The following ARHGAP10 variants were observed in gnomAD, a reference collection of about 807,000 sequenced individuals.
ARHGAP10 encodes the protein Rho GTPase activating protein 10.
A neutral mutation model predicts 108.6 loss-of-function variants in ARHGAP10; 87 were observed. The ratio of observed to expected loss-of-function variants is 0.80; its 90% CI spans 0.67 to 0.96. ARHGAP10 has a LOEUF of 0.96. Among genes scored for constraint, ARHGAP10 ranks in the 40% least tolerant of loss-of-function variants. The pLI is 0.00. For synonymous variants in ARHGAP10, 347 were observed against 341.1 expected (o/e 1.02, Z -0.19); for missense variants, 939 against 954.5 (o/e 0.98, Z 0.21).
intron 3 of ARHGAP10, among the ~76,000 whole-genome samples, chr4:147,843,412 A>G (rs918226229): frequency 2.6e-5 from 4 of 152,196 alleles, no homozygotes. Flanking sequence ...CCTGTCAGTC[A>G]TAAATCAACT....
At position 147,879,292 on chromosome 4, in the gene ARHGAP10, A is replaced by G; in HGVS notation, c.893A>G (p.Lys298Arg). Residue 298 changes from lysine to arginine, a missense_variant, in exon 9 of 23, where the codon AAG (lysine) becomes AGG (arginine). Coordinates refer to ENST00000336498, the MANE Select transcript of ARHGAP10 (RefSeq NM_024605.4). The stretch of plus-strand genomic sequence containing the variant: ...TATTGCATGTATCGAAAAGCAGCAA[A>G]GAAGTTCAACATGATCCCATTTGAG... ...KHYCMYRKAA[K>R]KFNMIPFEHR... is the part of the protein sequence containing the mutation. 1 of 1,614,144 alleles carries G rather than the reference A, an allele frequency of 6.2e-7. No homozygotes were observed. The highest frequency in any genetic ancestry group is 2.2e-5 in the East Asian group (1 of 44,874).
intron 18 of ARHGAP10, among the ~76,000 whole-genome samples, chr4:147,967,905 A>G (rs1168942730): frequency 6.6e-6 from 1 of 152,206 alleles, no homozygotes; most frequent in East Asian, 1.9e-4. Flanking sequence ...ATAAGTAGCC[A>G]GCAAGAAGAA....
chr4:148,036,594 G>T (rs112218084), intron 19 of ARHGAP10, among the ~76,000 whole-genome samples: 2,556 of 152,288 alleles, frequency 0.017, 73 homozygotes, highest in African/African-American at 0.057. Context: ...TGCCATGATT[G>T]TAAGTTTCCT....
rs28510261 is a variant in ARHGAP10 at position 147,765,154 on chromosome 4, C to T, written c.154+32699C>T. ...GGAAATGGGGAAATCTAGGAGTCCA[C>T]GCTATTTTCAGTTTTTCTTGTTAGG... On this transcript the variant is annotated intron_variant, in intron 1 of 22. Coordinates refer to ENST00000336498, the MANE Select transcript of ARHGAP10 (RefSeq NM_024605.4). Among the ~76,000 whole-genome samples the T allele has an allele frequency of 5.2e-3, 784 of 152,130 alleles. 4 individuals are homozygous for T. The highest frequency in any genetic ancestry group is 0.018 in the African/African-American group (750 of 41,488).
intron 19 of ARHGAP10, among the ~76,000 whole-genome samples, chr4:148,031,773 A>G (rs932005287): frequency 4.6e-5 from 7 of 152,214 alleles, no homozygotes; most frequent in African/African-American, 7.2e-5. Flanking sequence ...AGAGAGGACT[A>G]TGGTTTTCAA....
rs754446745 is a variant in ARHGAP10, at chr4:147,866,849, T to C, written c.702+33T>C. 6.0e-5 allele frequency: 90 copies of C among 1,508,712 alleles called. 2 individuals are homozygous for C. In the South Asian group the frequency reaches 1.0e-3, roughly 17 times the overall value. 93.5% of individuals were successfully genotyped at this position (1,508,712 alleles called of 1,614,324 possible). On this transcript the variant is annotated intron_variant, in intron 7 of 22. Transcript: ENST00000336498. ...AGTGAAAGCTTTCTTTATAAAAAGA[T>C]GTTTGAAAAGTATTTTTCATTTGTG...
At chr4:147,864,643 A>G (rs900063413) in intron 5 of ARHGAP10, 22 of 495,982 alleles carry the variant, frequency 4.4e-5, no homozygotes, top group Non-Finnish European at 2.1e-5. Flanking sequence ...TTCCTGTTGC[A>G]CCTGCTCAAT....
chr4:148,023,700 C>A (rs767696232), intron 19 of ARHGAP10, among the ~76,000 whole-genome samples: 35 of 152,054 alleles, frequency 2.3e-4, no homozygotes, highest in Non-Finnish European at 2.4e-4. Context: ...GTTACATAAC[C>A]CTGAGACAAA....
At chr4:147,963,213 A>G (rs1739068839) in intron 16 of ARHGAP10, among the ~76,000 whole-genome samples, 1 of 152,164 alleles carries the variant, frequency 6.6e-6, no homozygotes, top group Admixed American at 6.5e-5. Context: ...ACCCTCGAAG[A>G]GCTGTCTCTG....
At chr4:147,867,344 T>C (rs969944492) in intron 7 of ARHGAP10, among the ~76,000 whole-genome samples, 9 of 152,212 alleles carry the variant, frequency 5.9e-5, no homozygotes, top group African/African-American at 1.7e-4. Flanking sequence ...AGCAGTACAC[T>C]ATATGTCATT....
intron 10 of ARHGAP10, among the ~76,000 whole-genome samples, chr4:147,888,977 A>G (rs1579163586): frequency 6.6e-6 from 1 of 152,220 alleles, no homozygotes; most frequent in Non-Finnish European, 1.5e-5. Flanking sequence ...CTATTAGATT[A>G]TGAATTCCAT....
chr4:147,878,682 G>A (rs189102548), intron 8 of ARHGAP10, among the ~76,000 whole-genome samples: 8 of 151,910 alleles, frequency 5.3e-5, no homozygotes, highest in Admixed American at 4.6e-4. Flanking sequence ...GATTTTTCTA[G>A]CAAACTATTT....
intron 1 of ARHGAP10, among the ~76,000 whole-genome samples, chr4:147,815,619 G>A (rs112217318): frequency 6.6e-6 from 1 of 152,200 alleles, no homozygotes; most frequent in African/African-American, 2.4e-5. Context: ...CACTTTGGAG[G>A]GCCAAGGCAG....
chr4:147,885,291 G>A (rs566036952), intron 10 of ARHGAP10, among the ~76,000 whole-genome samples: 1 of 152,248 alleles, frequency 6.6e-6, no homozygotes, highest in African/African-American at 2.4e-5. Context: ...TGGTTGGGGA[G>A]GCCTCATAAT....
chr4:147,890,028 G>C (rs1371780193), intron 10 of ARHGAP10, among the ~76,000 whole-genome samples: 1 of 152,204 alleles, frequency 6.6e-6, no homozygotes, highest in African/African-American at 2.4e-5. Flanking sequence ...ATATAGCACT[G>C]TTCCATTTAT....
chr4:148,030,051 G>T (rs1728071588), intron 19 of ARHGAP10, among the ~76,000 whole-genome samples: 1 of 146,392 alleles, frequency 6.8e-6, no homozygotes, highest in Non-Finnish European at 1.5e-5. Flanking sequence ...TTCTTCTATT[G>T]CTTCCTATGT....
chr4:147,859,060 A>C (rs2126835191), intron 5 of ARHGAP10, among the ~76,000 whole-genome samples: 1 of 152,158 alleles, frequency 6.6e-6, no homozygotes, highest in East Asian at 1.9e-4. Context: ...TATGTTCTGC[A>C]CCCAACCCAG....
chr4:147,940,889 C>T (rs542191706), intron 14 of ARHGAP10, among the ~76,000 whole-genome samples: 8 of 152,252 alleles, frequency 5.3e-5, no homozygotes, highest in South Asian at 2.1e-4. Context: ...GAGAAATTGC[C>T]CGTCATCAGT....
intron 15 of ARHGAP10, among the ~76,000 whole-genome samples, chr4:147,954,289 G>A (rs866969871): frequency 2.0e-5 from 3 of 151,924 alleles, no homozygotes; most frequent in South Asian, 2.1e-4. Flanking sequence ...AAACAGAGAG[G>A]TGTTTAACTC....
Sources: allele counts gnomAD v4.1 joint callset (sites outside exome capture counted in the v4.1 genomes callset), GRCh38; gene constraint gnomAD v4.1.1; transcripts MANE v1.5; gene names NCBI Gene and HGNC (gene_info 2026-07-23, HGNC 2026-07-21).